TASP1: variants seen among roughly 807,000 people sequenced by gnomAD.
The protein encoded by TASP1 is threonine aspartase 1.
Under a neutral mutation model 56.6 loss-of-function variants are expected in TASP1, and 16 were observed. That is an observed-to-expected ratio of 0.28 (90% CI 0.19 to 0.43). The LOEUF is 0.43. TASP1 is among the 20% of genes least tolerant of loss of function. TASP1 has a pLI of 1.00. For missense variants in TASP1, 393 were observed against 511.6 expected (o/e 0.77, Z 2.24); for synonymous variants, 179 against 184.2 (o/e 0.97, Z 0.23).
intron 10 of TASP1, among the ~76,000 whole-genome samples, chr20:13,515,754 AT>A (rs1272433122): frequency 6.6e-6 from 1 of 151,882 alleles, no homozygotes; most frequent in Admixed American, 6.6e-5. Context: ...CTGGGCATCA[AT>A]TTTTTCATGA....
chr20:13,291,625 G>A, the TASP1 span, among the ~76,000 whole-genome samples: 1 of 152,164 alleles, frequency 6.6e-6, no homozygotes, highest in African/African-American at 2.4e-5. Context: ...GTGGTAGTTT[G>A]GGTGAGCCAG....
At chr20:13,555,969 C>T (rs2046143026) in intron 8 of TASP1, among the ~76,000 whole-genome samples, 1 of 152,042 alleles carries the variant, frequency 6.6e-6, no homozygotes, top group Non-Finnish European at 1.5e-5. Flanking sequence ...ATTCTATTAG[C>T]TTTGGGTGTT....
At chr20:13,302,082 A>G in the TASP1 span, among the ~76,000 whole-genome samples, 4 of 152,244 alleles carry the variant, frequency 2.6e-5, no homozygotes, top group Non-Finnish European at 5.9e-5. Flanking sequence ...GCAGAGGAAC[A>G]AGAGTGGCAA....
At chr20:13,232,721 T>C in the TASP1 span, among the ~76,000 whole-genome samples, 15 of 152,332 alleles carry the variant, frequency 9.8e-5, no homozygotes, top group Admixed American at 2.6e-4. Context: ...TTTGGTGCAC[T>C]CACATAAAGT....
the TASP1 span, among the ~76,000 whole-genome samples, chr20:13,118,604 C>T: frequency 5.0e-3 from 754 of 152,264 alleles, 7 homozygotes; most frequent in African/African-American, 0.018. Context: ...CAAATTCTGA[C>T]ACCTATCTCA....
chr20:13,362,179 C>T, the TASP1 span, among the ~76,000 whole-genome samples: 58 of 150,450 alleles, frequency 3.9e-4, no homozygotes, highest in East Asian at 8.8e-3. Flanking sequence ...AAATTTTCGC[C>T]GCCCCAACAC....
the TASP1 span, among the ~76,000 whole-genome samples, chr20:13,219,938 G>A: frequency 6.6e-6 from 1 of 152,204 alleles, no homozygotes; most frequent in African/African-American, 2.4e-5. Flanking sequence ...GGAGAAGGAA[G>A]GTAGGAAATT....
the TASP1 span, among the ~76,000 whole-genome samples, chr20:13,304,867 C>T: frequency 4.2e-3 from 643 of 152,238 alleles, 4 homozygotes; most frequent in African/African-American, 0.015. Context: ...CTTGCCTTCC[C>T]CATCTCTCTT....
the TASP1 span, among the ~76,000 whole-genome samples, chr20:13,253,844 CA>C: frequency 4.0e-5 from 4 of 99,686 alleles, no homozygotes; most frequent in African/African-American, 1.7e-4. Flanking sequence ...ATTAAAATAA[CA>C]CATACACATC....
intron 12 of TASP1, among the ~76,000 whole-genome samples, chr20:13,427,789 C>T (rs2042668747): frequency 6.6e-6 from 1 of 151,978 alleles, no homozygotes; most frequent in South Asian, 2.1e-4. Context: ...ATATATTAAA[C>T]ATTTCATAGT....
chr20:13,300,918 C>T, the TASP1 span, among the ~76,000 whole-genome samples: 54 of 152,304 alleles, frequency 3.5e-4, no homozygotes, highest in South Asian at 0.011. Context: ...CTTAAGACAG[C>T]CCAGATGAGC....
At chr20:13,448,508 G>A (rs2043495770) in intron 11 of TASP1, among the ~76,000 whole-genome samples, 1 of 152,024 alleles carries the variant, frequency 6.6e-6, no homozygotes, top group Non-Finnish European at 1.5e-5. Flanking sequence ...GGGTCAGAAT[G>A]TCCTGATAAT....
chr20:13,145,923 T>C, the TASP1 span, among the ~76,000 whole-genome samples: 2,832 of 152,266 alleles, frequency 0.019, 53 homozygotes, highest in South Asian at 0.03. Context: ...ATCAGCATCA[T>C]TTATTAAATA....
At chr20:13,433,817 G>A (rs893697819) in intron 12 of TASP1, among the ~76,000 whole-genome samples, 12 of 145,784 alleles carry the variant, frequency 8.2e-5, no homozygotes, top group Non-Finnish European at 1.3e-4. Context: ...CACAACCCCC[G>A]TGGATGACCT....
the TASP1 span, among the ~76,000 whole-genome samples, chr20:13,178,895 A>C: frequency 2.6e-5 from 4 of 152,064 alleles, no homozygotes; most frequent in Admixed American, 2.6e-4. Context: ...ATAATAATAC[A>C]TCATTTCAAA....
At chr20:13,581,771 C>T (rs1175245144) in intron 5 of TASP1, among the ~76,000 whole-genome samples, 1 of 152,150 alleles carries the variant, frequency 6.6e-6, no homozygotes, top group African/African-American at 2.4e-5. Context: ...GTGCTCCAGG[C>T]CCAGTGCCAA....
chr20:13,342,243 GT>G, the TASP1 span, among the ~76,000 whole-genome samples: 2 of 152,190 alleles, frequency 1.3e-5, no homozygotes, highest in Non-Finnish European at 2.9e-5. Context: ...GACAGAGTTT[GT>G]TTTTCCAGCA....
chr20:13,370,217 C>T, the TASP1 span, among the ~76,000 whole-genome samples: 1 of 151,980 alleles, frequency 6.6e-6, no homozygotes, highest in Non-Finnish European at 1.5e-5. Context: ...TATTAAATCT[C>T]AGCAAAGAAA....
At chr20:13,236,417 G>A in the TASP1 span, among the ~76,000 whole-genome samples, 1 of 152,118 alleles carries the variant, frequency 6.6e-6, no homozygotes, top group East Asian at 1.9e-4. Context: ...GGAATTCTGG[G>A]AGAAACAATT....
Sources: allele counts gnomAD v4.1 joint callset (sites outside exome capture counted in the v4.1 genomes callset), GRCh38; gene constraint gnomAD v4.1.1; transcripts MANE v1.5; gene names NCBI Gene and HGNC (gene_info 2026-07-23, HGNC 2026-07-21).